Variants in PAK6 observed in about 807,000 individuals in gnomAD.
The protein encoded by PAK6 is p21 (RAC1) activated kinase 6.
PAK6 carries 33 observed loss-of-function variants against 60.8 expected under a neutral mutation model. The observed-to-expected ratio is 0.54, with a 90% CI of 0.41 to 0.73. The LOEUF (loss-of-function observed/expected upper bound fraction) is 0.73, where lower values mean the gene tolerates loss of function less well. PAK6 is among the 30% of genes least tolerant of loss of function. The probability of loss-of-function intolerance (pLI) is 0.00; values close to 1 mark genes in which losing one functional copy is unlikely to be tolerated. For synonymous variants in PAK6, 404 were observed against 378.5 expected (o/e 1.07, Z -0.78); for missense variants, 845 against 904.1 (o/e 0.93, Z 0.84).
intron 7 of PAK6, 71 bp from the exon 8 acceptor site, chr15:40,273,275 C>G (rs2039360408): frequency 6.4e-7 from 1 of 1,560,720 alleles, no homozygotes; most frequent in Non-Finnish European, 8.7e-7. Flanking sequence ...GACTCCTACT[C>G]TGCTCAGCCA....
chr15:40,260,491 TTTGCCTATTTGCCTA>T (rs1260597829), intron 3 of PAK6: 8 of 151,894 alleles, frequency 5.3e-5, no homozygotes, highest in African/African-American at 1.7e-4. Context: ...TTTGCCAATT[TTTGCCTATTTGCCTA>T]TTGCCTATTT....
chr15:40,247,717 T>C (rs533974056), intron 2 of PAK6, among the ~76,000 whole-genome samples: 1 of 152,234 alleles, frequency 6.6e-6, no homozygotes, highest in African/African-American at 2.4e-5. Flanking sequence ...CCATGGACTT[T>C]TCCAAAACAC....
At chr15:40,262,015 G>A (rs2038997217) in intron 3 of PAK6, among the ~76,000 whole-genome samples, 1 of 150,028 alleles carries the variant, frequency 6.7e-6, no homozygotes, top group Non-Finnish European at 1.5e-5. Context: ...GAGCGCTTGG[G>A]TGGGGCAGGG....
exon 6 of PAK6, chr15:40,272,314 A>T: frequency 6.2e-7 from 1 of 1,613,818 alleles, no homozygotes; most frequent in Non-Finnish European, 8.5e-7. Context: ...GCCGGTGGGG[A>T]CCTTCAGCCC....
At chr15:40,260,305 A>G (rs1211774841) in intron 3 of PAK6, 1 of 151,932 alleles carries the variant, frequency 6.6e-6, no homozygotes, top group African/African-American at 2.4e-5. Context: ...TTCCGGGTTT[A>G]TTTTTTTTCC....
At chr15:40,266,141 C>T in exon 5 of PAK6, 2 of 1,609,740 alleles carry the variant, frequency 1.2e-6, no homozygotes, top group Non-Finnish European at 1.7e-6. Flanking sequence ...GCCCACGGGT[C>T]CTGCCCAATG....
At chr15:40,266,608 G>T in intron 5 of PAK6, 113 bp downstream of exon 5, 1 of 1,071,452 alleles carries the variant, frequency 9.3e-7, no homozygotes. Flanking sequence ...GACTGCTTCC[G>T]CCTAAGGCGG....
At chr15:40,248,915 C>T (rs376364855) in intron 2 of PAK6, among the ~76,000 whole-genome samples, 17 of 152,312 alleles carry the variant, frequency 1.1e-4, no homozygotes, top group East Asian at 1.9e-4. Flanking sequence ...GATACACTTC[C>T]GTTCAAATTC....
At chr15:40,242,502 C>T (rs940773421) in intron 2 of PAK6, among the ~76,000 whole-genome samples, 10 of 152,170 alleles carry the variant, frequency 6.6e-5, no homozygotes, top group East Asian at 1.9e-4. Context: ...GGCATCTGGC[C>T]GCCTGCACCT....
chr15:40,274,846 C>T (rs890830527), intron 10 of PAK6, among the ~76,000 whole-genome samples: 4 of 152,204 alleles, frequency 2.6e-5, no homozygotes, highest in Non-Finnish European at 5.9e-5. Context: ...CTGTGGACGC[C>T]CCCTGCTGGC....
At chr15:40,258,946 T>C (rs1402384893) in intron 3 of PAK6, 1 of 131,644 alleles carries the variant, frequency 7.6e-6, no homozygotes, top group Non-Finnish European at 1.8e-5. Context: ...CCCTCCCCTG[T>C]GTTAAGGCGA....
At chr15:40,244,784 C>T (rs946599616) in intron 2 of PAK6, 5 of 152,150 alleles carry the variant, frequency 3.3e-5, no homozygotes, top group African/African-American at 1.2e-4. Flanking sequence ...AAGGCAACCC[C>T]AGAGCATGAC....
Position 40,272,741 on chromosome 15 carries a change from C to T in PAK6, c.1356+20C>T, listed in dbSNP as rs376084604. 3 of 1,579,770 alleles carry T rather than the reference C, an allele frequency of 1.9e-6. No homozygotes were observed. In the African/African-American group the frequency reaches 4.0e-5, roughly 21 times the overall value. ...AACGAGGTGGGAGGACAGGGTGGGA[C>T]ACAGACGGGGGCGTTGGGGATGGGC... On this transcript the variant is annotated intron_variant, in intron 6 of 10. Coordinates refer to ENST00000560346, the Ensembl canonical transcript of PAK6.
exon 5 of PAK6, chr15:40,266,222 G>A (rs371505679): frequency 1.9e-6 from 3 of 1,610,098 alleles, no homozygotes; most frequent in Admixed American, 3.3e-5. Context: ...GTCTGCAGCT[G>A]GGTGCCTGCC....
At position 40,252,873 on chromosome 15, in the gene PAK6, G is replaced by T. The variant is rs1468107742; in HGVS notation, c.-117-305G>T. The T allele has an allele frequency of 8.0e-6, 10 of 1,244,996 alleles. No homozygotes were observed. In the African/African-American group the frequency reaches 1.6e-4, roughly 20 times the overall value. The allele number at this position is 1,244,996 out of a possible 1,614,324, so 77.1% of individuals were successfully genotyped here. On this transcript the variant is annotated intron_variant, in intron 2 of 10. Coordinates refer to ENST00000560346, the Ensembl canonical transcript of PAK6. ...GCGGGACCTCCCTCCGCGGGCGCCC[G>T]CCCGGCGCGGGGCATTCGCGTCCCC...
chr15:40,261,621 G>A lies in PAK6; in HGVS notation c.-5-3160G>A, dbSNP rs182108777. Among the ~76,000 whole-genome samples the A allele has an allele frequency of 5.3e-5, 8 of 152,128 alleles. No homozygotes were observed. The East Asian group carries it at 7.7e-4, about 15-fold the overall frequency. On this transcript the variant is annotated intron_variant, in intron 3 of 10. Coordinates refer to ENST00000560346, the Ensembl canonical transcript of PAK6. ...ATCCCAGTTTTATGTAGATTCTCCCGCATTTTCTACTTACACAGTTATGTT... is the reference window on the plus strand; with the variant it reads ...ATCCCAGTTTTATGTAGATTCTCCCACATTTTCTACTTACACAGTTATGTT...
In PAK6 at chr15:40,272,798, AGCAGGG is replaced by A. The variant is rs2039346812; in HGVS notation, c.1357-63_1357-58del. The A allele has an allele frequency of 1.9e-6, 3 of 1,590,798 alleles. No homozygotes were observed. The African/African-American group carries it at 4.0e-5, about 21-fold the overall frequency. On this transcript the variant is annotated intron_variant, in intron 6 of 10. Transcript: ENST00000560346. ...CAGCCAGCCAGGCTGGACATCTGTGAGCAGGGGCAGTGGGTGGCCATGCGTCTGGGC... is the reference window on the plus strand; with the variant it reads ...CAGCCAGCCAGGCTGGACATCTGTGAGCAGTGGGTGGCCATGCGTCTGGGC...
chr15:40,273,787 TC>T, intron 9 of PAK6, 111 bp downstream of exon 9: 2 of 1,289,808 alleles, frequency 1.6e-6, no homozygotes, highest in Non-Finnish European at 2.2e-6. Context: ...GTTTTCAGAG[TC>T]CCACCTAGTC....
intron 10 of PAK6, among the ~76,000 whole-genome samples, chr15:40,275,280 G>GTTTTTTTTTTTTTTGTTTTT (rs1555389202): frequency 1.2e-4 from 7 of 56,512 alleles, no homozygotes; most frequent in African/African-American, 2.9e-4. Context: ...GTTGTTGTTG[G>GTTTTTTTTTTTTTTGTTTTT]TTTTTTTTTT....
Sources: allele counts gnomAD v4.1 joint callset (sites outside exome capture counted in the v4.1 genomes callset), GRCh38; gene constraint gnomAD v4.1.1; transcripts MANE v1.5; gene names NCBI Gene and HGNC (gene_info 2026-07-23, HGNC 2026-07-21).